Variants in DPP6 observed in about 807,000 individuals in gnomAD.
DPP6 encodes the protein dipeptidyl peptidase like 6.
In DPP6, 69 loss-of-function variants were observed where a neutral mutation model predicts 122.6. That is an observed-to-expected ratio of 0.56 (90% CI 0.46 to 0.69). The LOEUF (loss-of-function observed/expected upper bound fraction) is 0.69. Among genes scored for constraint, DPP6 ranks in the 30% least tolerant of loss-of-function variants. DPP6 has a pLI of 0.00. For synonymous variants in DPP6, 418 were observed against 433.1 expected (o/e 0.97, Z 0.43); for missense variants, 928 against 1,116.9 (o/e 0.83, Z 2.41).
upstream of DPP6, among the ~76,000 whole-genome samples, chr7:153,883,355 T>C (rs116085033): frequency 0.014 from 2,145 of 151,688 alleles, 60 homozygotes; most frequent in African/African-American, 0.049. Flanking sequence ...CACTTTTTCC[T>C]TACACTTACT....
At chr7:154,485,540 C>T (rs12535652) in intron 3 of DPP6, among the ~76,000 whole-genome samples, 68,235 of 151,832 alleles carry the variant, frequency 0.45, 15,580 homozygotes, top group Admixed American at 0.54. Flanking sequence ...CCTGTCTGCA[C>T]GGCCAGGCTT....
At chr7:154,514,229 T>A (rs1344104689) in intron 3 of DPP6, among the ~76,000 whole-genome samples, 1 of 151,936 alleles carries the variant, frequency 6.6e-6, no homozygotes, top group East Asian at 1.9e-4. Flanking sequence ...TGAGCCAAGA[T>A]AGCACCACTG....
chr7:153,845,016 A>T, the DPP6 span, among the ~76,000 whole-genome samples: 2 of 152,182 alleles, frequency 1.3e-5, no homozygotes, highest in Admixed American at 6.5e-5. Flanking sequence ...AAAAAGTAGG[A>T]CATTCACCAG....
In DPP6 at chr7:154,403,618, A is replaced by G. The variant is rs905440159; in HGVS notation, c.244-42596A>G. ...TTTCTCTGCTGTCTGCACGTGGCGA[A>G]AATGAAAGCATTTCATGGAACCTGT... On this transcript the variant is annotated intron_variant, in intron 1 of 25. Transcript: ENST00000377770. The surrounding 1 kb of genome is among the most constrained non-coding windows in gnomAD (Gnocchi z 4.1). Among the ~76,000 whole-genome samples the G allele has an allele frequency of 4.2e-4, 64 of 152,222 alleles. 1 individual carries two copies. Among genetic ancestry groups the G allele is most frequent in the Admixed American group, 3.9e-3 (59 of 15,290 alleles).
chr7:154,432,752 A>T (rs1818531935), intron 1 of DPP6, among the ~76,000 whole-genome samples: 1 of 152,230 alleles, frequency 6.6e-6, no homozygotes, highest in African/African-American at 2.4e-5. Context: ...TTTTTGAAAC[A>T]TTCAAGACAC....
At chr7:154,163,845 C>T in intron 1 of DPP6, among the ~76,000 whole-genome samples, 1 of 152,216 alleles carries the variant, frequency 6.6e-6, no homozygotes, top group Non-Finnish European at 1.5e-5. Context: ...GTGAGGATGG[C>T]TCCCTGTGCT....
chr7:154,883,401 C>CACAT (rs1554495409), intron 21 of DPP6, among the ~76,000 whole-genome samples: 6 of 122,634 alleles, frequency 4.9e-5, no homozygotes, highest in Non-Finnish European at 1.0e-4. Context: ...CACACACACA[C>CACAT]ATGCTCACCC....
chr7:154,610,737 G>A (rs2130805623), intron 5 of DPP6, among the ~76,000 whole-genome samples: 1 of 148,228 alleles, frequency 6.7e-6, no homozygotes, highest in Non-Finnish European at 1.5e-5. Context: ...GTGTGTGTGT[G>A]TGTGTGTGAT....
chr7:154,268,064 G>C (rs1489250697), intron 1 of DPP6, among the ~76,000 whole-genome samples: 1 of 151,986 alleles, frequency 6.6e-6, no homozygotes, highest in Non-Finnish European at 1.5e-5. Flanking sequence ...AGGTGCAAAG[G>C]GTTTCTGAGA....
chr7:154,427,208 A>G (rs1245430363), intron 1 of DPP6, among the ~76,000 whole-genome samples: 1 of 152,214 alleles, frequency 6.6e-6, no homozygotes, highest in East Asian at 1.9e-4. Context: ...TGTCTCTAAT[A>G]TCTTAAAAAT....
intron 5 of DPP6, among the ~76,000 whole-genome samples, chr7:154,609,097 G>A (rs907765778): frequency 3.3e-5 from 5 of 152,146 alleles, no homozygotes; most frequent in Admixed American, 1.3e-4. Flanking sequence ...CCAGACTTTC[G>A]CCAAAACTCA....
chr7:154,841,981 C>T (rs1801587656), intron 16 of DPP6, among the ~76,000 whole-genome samples: 1 of 152,136 alleles, frequency 6.6e-6, no homozygotes, highest in African/African-American at 2.4e-5. Flanking sequence ...GAAATGCTGT[C>T]CTCGGAACAA....
chr7:154,202,644 T>G (rs1328914267), intron 1 of DPP6, among the ~76,000 whole-genome samples: 3 of 152,184 alleles, frequency 2.0e-5, no homozygotes, highest in African/African-American at 7.2e-5. Flanking sequence ...TACATCTGCA[T>G]GTCGGCTCCT....
At chr7:154,233,449 G>A (rs1020321125) in intron 1 of DPP6, among the ~76,000 whole-genome samples, 4 of 152,242 alleles carry the variant, frequency 2.6e-5, no homozygotes, top group East Asian at 1.9e-4. Flanking sequence ...CCTAACCCCC[G>A]GTGACTGTAT....
chr7:154,331,406 G>A (rs552635179), intron 1 of DPP6, among the ~76,000 whole-genome samples: 7 of 152,206 alleles, frequency 4.6e-5, no homozygotes, highest in Non-Finnish European at 1.0e-4. Flanking sequence ...TAATAGACGG[G>A]GGGATAACTG....
intron 21 of DPP6, among the ~76,000 whole-genome samples, chr7:154,882,929 T>C (rs563694664): frequency 1.4e-3 from 216 of 152,176 alleles, no homozygotes; most frequent in Middle Eastern, 6.8e-3. Flanking sequence ...GAGTTTGGCA[T>C]GACCTGCGCT....
At chr7:154,505,008 T>C (rs1277890001) in intron 3 of DPP6, among the ~76,000 whole-genome samples, 1 of 152,180 alleles carries the variant, frequency 6.6e-6, no homozygotes, top group African/African-American at 2.4e-5. Context: ...TTCCATTTTG[T>C]AATTGCAGAA....
At chr7:154,305,060 GCCCCAGCCCCAGCCCCAGC>G (rs1806192539) in intron 1 of DPP6, 2 of 85,172 alleles carry the variant, frequency 2.3e-5, no homozygotes, top group Non-Finnish European at 5.0e-5. Flanking sequence ...CCCAGCCCCA[GCCCCAGCCCCAGCCCCAGC>G]CCCAGCCCGG....
chr7:154,422,055 C>CT (rs1396313619), intron 1 of DPP6, among the ~76,000 whole-genome samples: 1 of 152,190 alleles, frequency 6.6e-6, no homozygotes, highest in African/African-American at 2.4e-5. Flanking sequence ...CAAGAAGTTG[C>CT]TACCACCCTT....
Sources: gnomAD v4.1 joint callset for allele counts (sites outside exome capture counted in the v4.1 genomes callset) on GRCh38, gnomAD v4.1.1 for gene constraint, Gnocchi (gnomAD v3.1) non-coding constraint, MANE v1.5 for transcripts, NCBI Gene and HGNC (gene_info 2026-07-23, HGNC 2026-07-21) for gene names.